The following PAH variants were observed in gnomAD, a reference collection of about 807,000 sequenced individuals.
PAH encodes the protein phenylalanine hydroxylase.
A neutral mutation model predicts 62.0 loss-of-function variants in PAH; 64 were observed. The ratio of observed to expected loss-of-function variants is 1.03; its 90% CI spans 0.84 to 1.27. The LOEUF (loss-of-function observed/expected upper bound fraction) is 1.27, where lower values mean the gene tolerates loss of function less well. Ranked by LOEUF, PAH falls within the 50% of genes most tolerant of loss-of-function variation. The pLI, the probability that PAH is intolerant of heterozygous loss-of-function variation, is 0.00. For missense variants in PAH, 579 were observed against 542.8 expected (o/e 1.07, Z -0.66); for synonymous variants, 195 against 196.2 (o/e 0.99, Z 0.05).
chr12:102,956,879 C>T (rs1203031876), intron 1 of PAH, among the ~76,000 whole-genome samples: 1 of 152,070 alleles, frequency 6.6e-6, no homozygotes, highest in Non-Finnish European at 1.5e-5. Context: ...GGAGCACATC[C>T]TAGTTTTTAG....
rs558288012 is a variant in PAH at position 102,944,778 on chromosome 12, G to A, written c.-96+5811C>T. 7.2e-5 allele frequency among the ~76,000 whole-genome samples: 11 copies of A among 152,218 alleles called. No individual in the cohort carries two copies. In the East Asian group the frequency reaches 2.1e-3, roughly 29 times the overall value. On this transcript the variant is annotated intron_variant, in intron 1 of 3. Coordinates refer to the PAH transcript ENST00000546844. Reference sequence around the variant, plus strand: ...GTGTCTTATTTAGTTCATTTGGTGAGGTCGTGTTTTTCTAGATGATCTTGA... The same window carrying A: ...GTGTCTTATTTAGTTCATTTGGTGAAGTCGTGTTTTTCTAGATGATCTTGA...
At chr12:102,943,838 T>C (rs946414809) in intron 1 of PAH, among the ~76,000 whole-genome samples, 1 of 152,072 alleles carries the variant, frequency 6.6e-6, no homozygotes, top group Non-Finnish European at 1.5e-5. Flanking sequence ...TGAGTGAAGA[T>C]AGACACAAAA....
intron 1 of PAH, among the ~76,000 whole-genome samples, chr12:102,927,819 C>CA (rs200597657): frequency 4.6e-5 from 7 of 152,020 alleles, no homozygotes; most frequent in South Asian, 2.1e-4. Flanking sequence ...AAACAAAAAC[C>CA]AAAAAACAAA....
rs913983170 is a variant in PAH at position 102,846,828 on chromosome 12, G to A, written c.969+67C>T. 8.6e-6 allele frequency: 12 copies of A among 1,390,136 alleles called. No individual in the cohort carries two copies. The African/African-American group carries it at 1.3e-4, about 15-fold the overall frequency. 86.1% of individuals were successfully genotyped at this position (1,390,136 alleles called of 1,614,324 possible). On this transcript the variant is annotated intron_variant, in intron 9 of 12. Transcript: ENST00000553106. ...ACCTGGCTTCCAGGGGAGTAGGAAA[G>A]TTTCAAAGACCTGAGGGCCATAGCC...
intron 1 of PAH, among the ~76,000 whole-genome samples, chr12:102,934,186 T>C (rs1879015272): frequency 6.6e-6 from 1 of 152,174 alleles, no homozygotes; most frequent in African/African-American, 2.4e-5. Flanking sequence ...GAGACTGTCC[T>C]TTCCCAAGTG....
Position 102,937,883 on chromosome 12 carries a change from G to GT in PAH, c.-96+12705dup, listed in dbSNP as rs1879157726. Among the ~76,000 whole-genome samples the GT allele has an allele frequency of 2.0e-5, 3 of 152,112 alleles. No homozygotes were observed. The South Asian group carries it at 6.2e-4, about 32-fold the overall frequency. On this transcript the variant is annotated intron_variant, in intron 1 of 3. Transcript: ENST00000546844. ...GTGTTGATAAAATCCCTCAGGTTTT[G>GT]TTTGTCTGGGAAAGTCTTTATTTCT... is the stretch of plus-strand genomic sequence containing the variant.
chr12:102,908,837 CTTTTTTTTTTT>C (rs3062641), intron 2 of PAH, among the ~76,000 whole-genome samples: 2 of 120,004 alleles, frequency 1.7e-5, no homozygotes, highest in South Asian at 2.8e-4. Context: ...CCTCATGTCT[CTTTTTTTTTTT>C]TTTTTTTTTT....
intron 1 of PAH, among the ~76,000 whole-genome samples, chr12:102,938,419 C>T (rs972415687): frequency 5.3e-5 from 8 of 152,186 alleles, no homozygotes; most frequent in South Asian, 4.2e-4. Flanking sequence ...CTGAGCACCC[C>T]GACACCACCT....
At chr12:102,844,105 C>T (rs1592947813) in intron 10 of PAH, among the ~76,000 whole-genome samples, 1 of 152,150 alleles carries the variant, frequency 6.6e-6, no homozygotes, top group East Asian at 1.9e-4. Context: ...GCCTTGGAAT[C>T]AGGAGGCCCC....
chr12:102,936,124 T>C (rs968298297), intron 1 of PAH, among the ~76,000 whole-genome samples: 4 of 152,134 alleles, frequency 2.6e-5, no homozygotes, highest in African/African-American at 4.8e-5. Flanking sequence ...ATTTCTATTT[T>C]AATTTATTCA....
intron 1 of PAH, among the ~76,000 whole-genome samples, chr12:102,932,984 A>T (rs1308578243): frequency 6.6e-6 from 1 of 152,202 alleles, no homozygotes; most frequent in Non-Finnish European, 1.5e-5. Context: ...GTTACAAACA[A>T]TCCAATTATG....
intron 4 of PAH, among the ~76,000 whole-genome samples, chr12:102,875,818 G>T (rs1333468176): frequency 6.6e-6 from 1 of 152,042 alleles, no homozygotes; most frequent in Non-Finnish European, 1.5e-5. Context: ...AAAATACATA[G>T]GTGAGACTCA....
chr12:102,937,136 C>T (rs1467271606), intron 1 of PAH, among the ~76,000 whole-genome samples: 2 of 152,100 alleles, frequency 1.3e-5, no homozygotes, highest in Admixed American at 1.3e-4. Context: ...CCTCCCCAGC[C>T]CTGCAGAACT....
intron 4 of PAH, among the ~76,000 whole-genome samples, chr12:102,867,660 G>A (rs1048765281): frequency 1.5e-4 from 23 of 151,932 alleles, no homozygotes; most frequent in African/African-American, 5.6e-4. Context: ...CCAAACCAAG[G>A]CAGTAGTGAA....
At chr12:102,914,591 GTC>G (rs1157472863) in intron 1 of PAH, 1 of 152,194 alleles carries the variant, frequency 6.6e-6, no homozygotes, top group Non-Finnish European at 1.5e-5. Context: ...GTACAGATGA[GTC>G]TCTGACTTAA....
Position 102,838,238 on chromosome 12 carries a change from C to G in PAH, c.*937G>C, listed in dbSNP as rs1480517521. On this transcript the variant is annotated 3_prime_UTR_variant, in exon 13 of 13. Coordinates refer to ENST00000553106, the MANE Select transcript of PAH (RefSeq NM_000277.3). ...AGATATGAGCCTCTGGCCATTTTCT[C>G]ATGTTACAAAACTATCTAGCTAATG... 2.0e-5 allele frequency: 3 copies of G among 152,152 alleles called. No individual in the cohort carries two copies. The highest frequency in any genetic ancestry group is 7.2e-5 in the African/African-American group (3 of 41,436). The allele number at this position is 152,152 out of a possible 1,614,324, so 9.4% of individuals were successfully genotyped here.
chr12:102,866,310 G>A (rs1461934883), intron 5 of PAH, among the ~76,000 whole-genome samples: 2 of 152,142 alleles, frequency 1.3e-5, no homozygotes, highest in Non-Finnish European at 2.9e-5. Context: ...AATTACTGCA[G>A]ACACCACTGC....
At chr12:102,858,732 A>T (rs187135603) in intron 5 of PAH, among the ~76,000 whole-genome samples, 1 of 152,254 alleles carries the variant, frequency 6.6e-6, no homozygotes, top group Non-Finnish European at 1.5e-5. Context: ...TCCTGGGTAC[A>T]TAACGAAATG....
At chr12:102,934,057 GTA>G (rs1231433468) in intron 1 of PAH, among the ~76,000 whole-genome samples, 1 of 151,948 alleles carries the variant, frequency 6.6e-6, no homozygotes, top group African/African-American at 2.4e-5. Context: ...TTTTCTTTCA[GTA>G]TTTTCATAGT....
Sources: allele counts gnomAD v4.1 joint callset (sites outside exome capture counted in the v4.1 genomes callset), GRCh38; gene constraint gnomAD v4.1.1; transcripts MANE v1.5; gene names NCBI Gene and HGNC (gene_info 2026-07-23, HGNC 2026-07-21).